Variants in RGS20 observed in about 807,000 individuals in gnomAD.
RGS20 encodes gz-selective GTPase-activating protein.
RGS20 carries 30 observed loss-of-function variants against 33.6 expected under a neutral mutation model. The ratio of observed to expected loss-of-function variants is 0.89; its 90% CI spans 0.67 to 1.21. The LOEUF (loss-of-function observed/expected upper bound fraction) is 1.21. Ranked by LOEUF, RGS20 falls within the 50% of genes most tolerant of loss-of-function variation. The pLI, the probability that RGS20 is intolerant of heterozygous loss-of-function variation, is 0.00. For synonymous variants in RGS20, 208 were observed against 197.9 expected, an observed-to-expected ratio of 1.05 and a Z score of -0.43; for missense variants, 472 against 502.4, an observed-to-expected ratio of 0.94 and a Z score of 0.58.
intron 4 of RGS20, among the ~76,000 whole-genome samples, chr8:53,951,548 T>C (rs181024883): frequency 6.6e-6 from 1 of 152,096 alleles, no homozygotes; most frequent in African/African-American, 2.4e-5. Flanking sequence ...CTATATTTAT[T>C]GGTCATTTAC....
chr8:53,945,606 G>A (rs1180912796), intron 3 of RGS20, among the ~76,000 whole-genome samples: 1 of 152,166 alleles, frequency 6.6e-6, no homozygotes, highest in Non-Finnish European at 1.5e-5. Flanking sequence ...GCATATGAAT[G>A]ATAGCTCAAT....
At chr8:53,868,397 C>T (rs940115913) in intron 1 of RGS20, among the ~76,000 whole-genome samples, 1 of 152,116 alleles carries the variant, frequency 6.6e-6, no homozygotes, top group Non-Finnish European at 1.5e-5. Flanking sequence ...AGCGTGACAG[C>T]CAGGAGGTGG....
chr8:53,875,026 G>A (rs1179175805), intron 1 of RGS20, among the ~76,000 whole-genome samples: 6 of 152,138 alleles, frequency 3.9e-5, no homozygotes, highest in African/African-American at 1.2e-4. Context: ...GATGTTTTTC[G>A]CCTGAACAAA....
At chr8:53,935,606 G>T (rs1270275485) in intron 2 of RGS20, among the ~76,000 whole-genome samples, 1 of 152,074 alleles carries the variant, frequency 6.6e-6, no homozygotes, top group Admixed American at 6.6e-5. Context: ...AATTGAGGCA[G>T]TAATTAATAG....
At chr8:53,887,805 C>T (rs754790194) in intron 2 of RGS20, among the ~76,000 whole-genome samples, 4 of 151,414 alleles carry the variant, frequency 2.6e-5, no homozygotes, top group Admixed American at 6.6e-5. Context: ...AGTGAAACCC[C>T]GTCTCTTTAA....
intron 1 of RGS20, among the ~76,000 whole-genome samples, chr8:53,857,750 C>T (rs1811710759): frequency 6.6e-6 from 1 of 152,102 alleles, no homozygotes; most frequent in Non-Finnish European, 1.5e-5. Context: ...GGATGCCAAG[C>T]CAGTAAATAT....
In RGS20 at chr8:53,958,449, T is replaced by G. The variant is rs1363348942; in HGVS notation, c.1158T>G (p.Ile386Met). 1 of 1,495,796 alleles carries G rather than the reference T, an allele frequency of 6.7e-7. No homozygotes were observed. The highest frequency in any genetic ancestry group is 1.8e-4 in the Middle Eastern group (1 of 5,588). 92.7% of individuals were successfully genotyped at this position (1,495,796 alleles called of 1,614,324 possible). A position where few individuals can be genotyped will look rare whatever the true frequency, so the allele number is the denominator to read the frequency against. ...TTCAGTCCTTATCGGAGAAATCTAT[T>G]GAAGCATAGGATTTTTCAAATATAT... The change falls in exon 6 of 6, where the codon ATT becomes ATG. Residue 386 changes from isoleucine to methionine, a missense_variant. By Grantham distance (10) the Ile-to-Met change is conservative. Around this residue, in one of 3 missense-constraint regions of RGS20, gnomAD observed 125 missense variants for 169.5 expected, o/e 0.74. Transcript: ENST00000297313.
intron 2 of RGS20, among the ~76,000 whole-genome samples, chr8:53,937,479 A>C (rs1027343218): frequency 2.6e-5 from 4 of 152,134 alleles, no homozygotes; most frequent in African/African-American, 9.7e-5. Context: ...ATGAGCAAAG[A>C]CTTCATGACT....
At chr8:53,866,387 C>CTTT (rs58939238) in intron 1 of RGS20, among the ~76,000 whole-genome samples, 3 of 144,914 alleles carry the variant, frequency 2.1e-5, no homozygotes, top group African/African-American at 7.5e-5. Context: ...ACATTTACCT[C>CTTT]TTTTTTTTTT....
intron 1 of RGS20, among the ~76,000 whole-genome samples, chr8:53,867,671 C>CTTCCTTCT (rs1231645884): frequency 3.3e-5 from 5 of 150,082 alleles, no homozygotes; most frequent in African/African-American, 1.2e-4. Context: ...TCCTTCCTTC[C>CTTCCTTCT]TTCCTTCCTT....
intron 2 of RGS20, among the ~76,000 whole-genome samples, chr8:53,920,407 GT>G (rs201762734): frequency 6.6e-5 from 10 of 151,444 alleles, no homozygotes; most frequent in Non-Finnish European, 1.0e-4. Context: ...AGTTCTAATT[GT>G]TTTTTTTGTT....
At chr8:53,949,262 A>G (rs182698631) in intron 4 of RGS20, among the ~76,000 whole-genome samples, 86 of 130,190 alleles carry the variant, frequency 6.6e-4, no homozygotes, top group East Asian at 3.5e-3. Flanking sequence ...ATTTATATAT[A>G]CTATATATAA....
At chr8:53,903,430 A>G (rs529319673) in intron 2 of RGS20, among the ~76,000 whole-genome samples, 16 of 152,206 alleles carry the variant, frequency 1.1e-4, no homozygotes, top group Non-Finnish European at 2.2e-4. Flanking sequence ...TCCTGAAATT[A>G]ATTTTGATCC....
chr8:53,914,014 C>A (rs2129284396), intron 2 of RGS20: 1 of 145,330 alleles, frequency 6.9e-6, no homozygotes, highest in East Asian at 2.0e-4. Context: ...TCCTTCTTTT[C>A]TTTTCTCTTT....
chr8:53,933,218 C>A (rs903653857), intron 2 of RGS20, among the ~76,000 whole-genome samples: 1 of 152,164 alleles, frequency 6.6e-6, no homozygotes, highest in East Asian at 1.9e-4. Context: ...CAAAGGATCA[C>A]AACTCGTTGC....
intron 2 of RGS20, chr8:53,880,910 A>G: frequency 6.5e-7 from 1 of 1,535,976 alleles, no homozygotes; most frequent in Non-Finnish European, 8.7e-7. Flanking sequence ...AGAGGGCTAG[A>G]GCAAAGACCG....
At chr8:53,884,746 A>C (rs1365627813) in intron 2 of RGS20, among the ~76,000 whole-genome samples, 1 of 152,244 alleles carries the variant, frequency 6.6e-6, no homozygotes. Context: ...AAATAAGGAA[A>C]AAGTGTACGA....
chr8:53,854,720 T>C (rs1480555458), intron 1 of RGS20, among the ~76,000 whole-genome samples: 1 of 152,208 alleles, frequency 6.6e-6, no homozygotes, highest in Non-Finnish European at 1.5e-5. Flanking sequence ...CAGTTTCTCA[T>C]AAACCTGAAG....
chr8:53,945,140 G>A (rs72614662), intron 3 of RGS20, among the ~76,000 whole-genome samples: 14,928 of 152,228 alleles, frequency 0.098, 1,400 homozygotes, highest in East Asian at 0.5. Context: ...ATGTTCGCAC[G>A]TACTTGCACA....
Sources: gnomAD v4.1 joint callset for allele counts (sites outside exome capture counted in the v4.1 genomes callset) on GRCh38, gnomAD v4.1.1 for gene constraint, gnomAD v4.1.1 regional missense constraint, MANE v1.5 for transcripts, NCBI Gene and HGNC (gene_info 2026-07-23, HGNC 2026-07-21) for gene names.